Variants in MBP observed in about 807,000 individuals in gnomAD.
MBP encodes Golli-MBP.
In MBP, 16 loss-of-function variants were observed where a neutral mutation model predicts 35.8. The ratio of observed to expected loss-of-function variants is 0.45; its 90% CI spans 0.30 to 0.68. The LOEUF is 0.68. Among genes scored for constraint, MBP ranks in the 30% least tolerant of loss-of-function variants. The pLI, the probability that MBP is intolerant of heterozygous loss-of-function variation, is 0.08. For missense variants in MBP, 380 were observed against 404.7 expected (o/e 0.94, Z 0.52); for synonymous variants, 143 against 159.6 (o/e 0.90, Z 0.78).
chr18:77,126,926 A>G (rs1284000443), intron 1 of MBP, among the ~76,000 whole-genome samples: 1 of 152,238 alleles, frequency 6.6e-6, no homozygotes, highest in African/African-American at 2.4e-5. Context: ...GTGATCATGG[A>G]TTGGAAAACT....
chr18:77,058,514 G>A (rs1973835029), intron 3 of MBP, among the ~76,000 whole-genome samples: 1 of 152,190 alleles, frequency 6.6e-6, no homozygotes, highest in South Asian at 2.1e-4. Flanking sequence ...CCCACCGGCT[G>A]ATGCGACGCC....
At chr18:77,088,935 A>G (rs1975390098) in intron 2 of MBP, among the ~76,000 whole-genome samples, 1 of 152,244 alleles carries the variant, frequency 6.6e-6, no homozygotes, top group African/African-American at 2.4e-5. Context: ...TCAAGGCCTG[A>G]GTCTATGTGT....
At chr18:77,091,648 AAACACACATGCACACATGCGTG>A (rs1975528682) in intron 2 of MBP, among the ~76,000 whole-genome samples, 1 of 151,402 alleles carries the variant, frequency 6.6e-6, no homozygotes, top group Non-Finnish European at 1.5e-5. Context: ...TACACACCAC[AAACACACATGCACACATGCGTG>A]AACACACATG....
intron 7 of MBP, chr18:76,987,653 G>T: frequency 1.0e-6 from 1 of 989,132 alleles, no homozygotes; most frequent in Non-Finnish European, 1.2e-6. Flanking sequence ...CTGTTCTAGC[G>T]TATGAGAGCA....
At chr18:77,043,470 C>T (rs1033877377) in intron 3 of MBP, among the ~76,000 whole-genome samples, 1 of 152,150 alleles carries the variant, frequency 6.6e-6, no homozygotes, top group Non-Finnish European at 1.5e-5. Context: ...TGCTGGTTAT[C>T]GTGGCATCTG....
At chr18:77,039,573 C>G (rs1487116938) in intron 3 of MBP, among the ~76,000 whole-genome samples, 1 of 152,052 alleles carries the variant, frequency 6.6e-6, no homozygotes, top group Non-Finnish European at 1.5e-5. Flanking sequence ...TAATTCATAC[C>G]CAAGGGCCAC....
chr18:76,992,568 G>C (rs904082349), intron 4 of MBP, among the ~76,000 whole-genome samples: 2 of 152,174 alleles, frequency 1.3e-5, no homozygotes, highest in African/African-American at 4.8e-5. Flanking sequence ...CCACCCTTCA[G>C]GGTGAAGCCA....
chr18:77,011,055 G>A (rs1971316519), intron 4 of MBP, among the ~76,000 whole-genome samples: 1 of 152,206 alleles, frequency 6.6e-6, no homozygotes, highest in African/African-American at 2.4e-5. Flanking sequence ...GAATGTGGGA[G>A]CATTCTAGAA....
Position 76,986,065 on chromosome 18 carries a change from T to A in MBP, c.751-1171A>T. On this transcript the variant is annotated intron_variant, in intron 7 of 8. Transcript: ENST00000355994. ...GAAGGGAAGGAGCTCGCTGTGGGAG[T>A]CTGGGCGCGGTGGACGTTAACAATG... The A allele has an allele frequency of 3.0e-6, 3 of 985,278 alleles. No individual in the cohort carries two copies. In the South Asian group the frequency reaches 1.4e-4, roughly 46 times the overall value. The allele number at this position is 985,278 out of a possible 1,614,324, so 61.0% of individuals were successfully genotyped here. A position where few individuals can be genotyped will look rare whatever the true frequency, so the allele number is the denominator to read the frequency against.
At chr18:77,043,160 A>G (rs188017852) in intron 3 of MBP, among the ~76,000 whole-genome samples, 3 of 152,218 alleles carry the variant, frequency 2.0e-5, no homozygotes, top group Non-Finnish European at 4.4e-5. Flanking sequence ...AATATTTCCC[A>G]TCTATGCATC....
chr18:77,013,495 G>T lies in MBP; in HGVS notation c.576+3337C>A, dbSNP rs558254864. The T allele has an allele frequency of 5.3e-5, 52 of 985,318 alleles. No homozygotes were observed. In the African/African-American group the frequency reaches 8.7e-4, roughly 17 times the overall value. The allele number at this position is 985,318 out of a possible 1,614,324, so 61.0% of individuals were successfully genotyped here. On this transcript the variant is annotated intron_variant, in intron 4 of 8. Transcript: ENST00000355994. Reference sequence around the variant, plus strand: ...AAAATATGTTTAATGAAATTAAAATGCAATGGAAAAAAAATCAGGCAACAG... The same window carrying T: ...AAAATATGTTTAATGAAATTAAAATTCAATGGAAAAAAAATCAGGCAACAG...
At chr18:77,108,504 TC>T (rs1976349646) in intron 1 of MBP, 1 of 152,082 alleles carries the variant, frequency 6.6e-6, no homozygotes, top group Admixed American at 6.5e-5. Flanking sequence ...CGCTGAGACT[TC>T]CGCGGTCTCA....
intron 4 of MBP, among the ~76,000 whole-genome samples, chr18:77,010,984 G>A (rs1455082439): frequency 6.6e-6 from 1 of 152,200 alleles, no homozygotes; most frequent in East Asian, 1.9e-4. Flanking sequence ...AGATGAAATG[G>A]ATTCTTTTAA....
In MBP at chr18:77,018,553, C is replaced by T. The variant is rs148476316; in HGVS notation, c.140-1285G>A. Among the ~76,000 whole-genome samples the T allele has an allele frequency of 5.3e-3, 799 of 149,634 alleles. 11 individuals carry two copies. The highest frequency in any genetic ancestry group is 0.019 in the African/African-American group (776 of 40,112). ...CACACCCACCTACCCATCCATCTAT[C>T]CATCCCCCATCCACTCATCCATCCA... On this transcript the variant is annotated intron_variant, in intron 3 of 8. Transcript: ENST00000355994.
chr18:77,073,754 T>C (rs10221416), intron 2 of MBP, among the ~76,000 whole-genome samples: 13,331 of 152,144 alleles, frequency 0.088, 1,116 homozygotes, highest in African/African-American at 0.21. Context: ...TGGAAGGTTA[T>C]CTCCCAGCAA....
chr18:77,008,643 C>A (rs1971140500), intron 4 of MBP, among the ~76,000 whole-genome samples: 1 of 152,168 alleles, frequency 6.6e-6, no homozygotes, highest in Non-Finnish European at 1.5e-5. Flanking sequence ...GGCCCCGGCT[C>A]CCCCAGGGCC....
At chr18:77,081,817 TATACACACACAC>T (rs1974936984) in intron 2 of MBP, among the ~76,000 whole-genome samples, 2 of 53,252 alleles carry the variant, frequency 3.8e-5, no homozygotes, top group Admixed American at 2.3e-4. Context: ...CACACACATA[TATACACACACAC>T]ACACACACAC....
rs750358869 is a variant in MBP, at chr18:76,988,898, T to C, written c.696A>G (p.Thr232=). 6.2e-7 allele frequency: 1 copy of C among 1,613,914 alleles called. No homozygotes were observed. Among genetic ancestry groups the C allele is most frequent in the Admixed American group, 1.7e-5 (1 of 60,018 alleles). Residue 232 remains threonine, a synonymous_variant, in exon 6 of 9, where the codon ACA becomes ACG. Transcript: ENST00000355994. The surrounding 1 kb of genome is among the most constrained non-coding windows in gnomAD (Gnocchi z 5.2). ...HFFKNIVTPR[T]PPPSQGKGRG... ...TTACCTTTCCCTGCGACGGGGGTGG[T>C]GTGCGAGGCGTCACCTGGAAAGACA...
At chr18:77,003,405 G>A (rs763325376) in intron 4 of MBP, 3 of 152,144 alleles carry the variant, frequency 2.0e-5, no homozygotes, top group East Asian at 1.9e-4. Context: ...AGTGAAGGGC[G>A]AATGAATTTG....
Sources: allele counts gnomAD v4.1 joint callset (sites outside exome capture counted in the v4.1 genomes callset), GRCh38; gene constraint gnomAD v4.1.1; non-coding constraint Gnocchi (gnomAD v3.1); transcripts MANE v1.5; gene names NCBI Gene and HGNC (gene_info 2026-07-23, HGNC 2026-07-21).